The following PRPF6 variants were observed in gnomAD, a reference collection of about 807,000 sequenced individuals.
The protein encoded by PRPF6 is pre-mRNA processing factor 6.
Under a neutral mutation model 118.3 loss-of-function variants are expected in PRPF6, and 42 were observed. That is an observed-to-expected ratio of 0.35 (90% CI 0.28 to 0.46). The LOEUF (loss-of-function observed/expected upper bound fraction) is 0.46, where lower values mean the gene tolerates loss of function less well. PRPF6 is among the 20% of genes least tolerant of loss of function. PRPF6 has a pLI of 1.00. For missense variants in PRPF6, 662 were observed against 1,255.7 expected, an observed-to-expected ratio of 0.53 and a Z score of 7.15; for synonymous variants, 481 against 485.1, an observed-to-expected ratio of 0.99 and a Z score of 0.11.
intron 9 of PRPF6, among the ~76,000 whole-genome samples, chr20:64,007,539 T>C (rs2059196357): frequency 6.7e-6 from 1 of 150,156 alleles, no homozygotes; most frequent in African/African-American, 2.5e-5. Context: ...CAGTTTTGGC[T>C]CACTGCAACC....
At chr20:64,017,415 G>A (rs2059243771) in intron 12 of PRPF6, among the ~76,000 whole-genome samples, 1 of 150,338 alleles carries the variant, frequency 6.7e-6, no homozygotes, top group Non-Finnish European at 1.5e-5. Flanking sequence ...CGCCGCGCCC[G>A]GCCTCCCAGA....
At chr20:64,020,348 G>A (rs550364128) in intron 12 of PRPF6, among the ~76,000 whole-genome samples, 60 of 152,230 alleles carry the variant, frequency 3.9e-4, no homozygotes, top group African/African-American at 1.3e-3. Context: ...CCTGGGAGGT[G>A]GAGGTTTCAG....
Position 64,028,606 on chromosome 20 carries a change from T to C in PRPF6, c.2431+37T>C, listed in dbSNP as rs200273199. On this transcript the variant is annotated intron_variant, in intron 18 of 20. Coordinates refer to ENST00000266079, the MANE Select transcript of PRPF6 (RefSeq NM_012469.4). This position sits in a 1 kb window ranked among gnomAD's most constrained non-coding sequence, Gnocchi z 6.5. ...CCCCGACTCCGGTAAGGGGGTGCCCTGACTCCGGTAAGGGGGTGCCTTGAC... is the reference window on the plus strand; with the variant it reads ...CCCCGACTCCGGTAAGGGGGTGCCCCGACTCCGGTAAGGGGGTGCCTTGAC... 1.8e-4 allele frequency: 295 copies of C among 1,600,978 alleles called. No homozygotes were observed. In the East Asian group the frequency reaches 2.1e-3, roughly 11 times the overall value.
At chr20:63,981,452 A>G in intron 1 of PRPF6, 136 bp downstream of exon 1, 1 of 848,380 alleles carries the variant, frequency 1.2e-6, no homozygotes, top group East Asian at 2.7e-5. Flanking sequence ...CCCTGCAGGA[A>G]GCAACGGGCT....
chr20:64,001,458 C>T (rs546997098), intron 9 of PRPF6, among the ~76,000 whole-genome samples: 1 of 152,190 alleles, frequency 6.6e-6, no homozygotes, highest in Non-Finnish European at 1.5e-5. Flanking sequence ...TTGGGTTGAG[C>T]CCTCACTCCT....
At chr20:64,023,189 G>A (rs1310187555) in intron 13 of PRPF6, among the ~76,000 whole-genome samples, 1 of 152,262 alleles carries the variant, frequency 6.6e-6, no homozygotes, top group Non-Finnish European at 1.5e-5. Context: ...AGCCCGCGTG[G>A]CCCATGGCCG....
At chr20:64,005,028 G>A (rs1483387908) in intron 9 of PRPF6, among the ~76,000 whole-genome samples, 19 of 152,124 alleles carry the variant, frequency 1.2e-4, no homozygotes, top group South Asian at 4.1e-4. Flanking sequence ...GCACGGTCAC[G>A]TCTTCATGGC....
Position 63,993,501 on chromosome 20 carries a change from G to A in PRPF6, c.438+16G>A, listed in dbSNP as rs1012939025. On this transcript the variant is annotated intron_variant, in intron 4 of 20. Transcript: ENST00000266079. ...AGACCTCAAGGTGAGCCGATGAAGC[G>A]GTGAATGGTGTGCGGTTTCTAACGC... 63 of 1,599,854 alleles carry A rather than the reference G, an allele frequency of 3.9e-5. No individual in the cohort carries two copies. The highest frequency in any genetic ancestry group is 4.9e-5 in the Non-Finnish European group (57 of 1,167,826).
chr20:64,003,086 A>AG (rs1043166402), intron 9 of PRPF6, among the ~76,000 whole-genome samples: 1 of 151,930 alleles, frequency 6.6e-6, no homozygotes, highest in African/African-American at 2.4e-5. Flanking sequence ...CTGGGAGTAT[A>AG]GGTCCCACCC....
intron 9 of PRPF6, among the ~76,000 whole-genome samples, chr20:64,003,508 G>A (rs1476415526): frequency 6.6e-6 from 1 of 152,194 alleles, no homozygotes; most frequent in Non-Finnish European, 1.5e-5. Flanking sequence ...CCCCGACCCT[G>A]TGCACTCACA....
rs983860548 is a variant in PRPF6, at chr20:64,028,742, A to C, written c.2431+173A>C. ...TTTATTAAAATGTGTAGTTTGTGTG[A>C]ATCATTTCAGTCAAAAGTTTCAGCT... is the stretch of plus-strand genomic sequence containing the variant. On this transcript the variant is annotated intron_variant, in intron 18 of 20. Transcript: ENST00000266079. This position sits in a 1 kb window ranked among gnomAD's most constrained non-coding sequence, Gnocchi z 6.5. Among the ~76,000 whole-genome samples, 1 of 152,188 alleles carries C rather than the reference A, an allele frequency of 6.6e-6. No homozygotes were observed. Among genetic ancestry groups the C allele is most frequent in the African/African-American group, 2.4e-5 (1 of 41,444 alleles).
chr20:64,010,367 T>A, intron 10 of PRPF6, 49 bp downstream of exon 10: 1 of 1,423,644 alleles, frequency 7.0e-7, no homozygotes, highest in Non-Finnish European at 9.9e-7. Context: ...GGCCAAGGCC[T>A]GAGCCCAGGT....
chr20:64,024,530 G>A (rs1383241100), intron 13 of PRPF6, 25 bp from the exon 14 acceptor site: 1 of 1,613,008 alleles, frequency 6.2e-7, no homozygotes, highest in Non-Finnish European at 8.5e-7. Context: ...CCTGCCTCTG[G>A]TGACCGTGGC....
chr20:64,016,986 A>T, intron 12 of PRPF6, 141 bp downstream of exon 12: 2 of 1,203,404 alleles, frequency 1.7e-6, no homozygotes, highest in Admixed American at 2.1e-5. Context: ...TCTGTCGCCC[A>T]GGCTGGAGTG....
chr20:63,999,722 G>A lies in PRPF6; in HGVS notation c.986G>A (p.Arg329Gln), dbSNP rs2059158063. 1 of 1,614,050 alleles carries A rather than the reference G, an allele frequency of 6.2e-7. No individual in the cohort carries two copies. The highest frequency in any genetic ancestry group is 1.3e-5 in the African/African-American group (1 of 74,934). The change falls in exon 8 of 21, where the codon CGG (arginine) becomes CAG (glutamine). Residue 329 changes from arginine (R) to glutamine (Q), a missense_variant. Around this residue, in one of 10 missense-constraint regions of PRPF6, gnomAD observed 71 missense variants for 166.4 expected, o/e 0.43. Transcript: ENST00000266079. Reference protein sequence around the residue: ...EEVTGKLQVARNLIMKGTEMC... With the variant: ...EEVTGKLQVAQNLIMKGTEMC... Reference sequence around the variant, plus strand: ...GTCACTGGGAAGCTACAAGTAGCTCGGAACCTTATCATGAAGGGGACGGAG... The same window carrying A: ...GTCACTGGGAAGCTACAAGTAGCTCAGAACCTTATCATGAAGGGGACGGAG...
intron 6 of PRPF6, among the ~76,000 whole-genome samples, chr20:63,996,026 T>C (rs981492197): frequency 2.0e-5 from 3 of 152,296 alleles, no homozygotes; most frequent in Admixed American, 2.0e-4. Context: ...TAAATTGTCT[T>C]GTGGCCCTGC....
intron 3 of PRPF6, among the ~76,000 whole-genome samples, chr20:63,991,057 A>G (rs1448820099): frequency 6.6e-6 from 1 of 152,084 alleles, no homozygotes; most frequent in Non-Finnish European, 1.5e-5. Flanking sequence ...AAGTGCTAGG[A>G]TTACAGGCAT....
Position 64,026,790 on chromosome 20 carries a change from ACT to A in PRPF6, c.2029-189_2029-188del, listed in dbSNP as rs2059292864. Among the ~76,000 whole-genome samples, 2 of 147,778 alleles carry A rather than the reference ACT, an allele frequency of 1.4e-5. No homozygotes were observed. The highest frequency in any genetic ancestry group is 4.4e-4 in the South Asian group (2 of 4,576). The stretch of plus-strand genomic sequence containing the variant: ...ACTCCAGCCTGGGTGACAGAGCGAG[ACT>A]CTATCTCAAAAAAAAACAAAACAAA... On this transcript the variant is annotated intron_variant, in intron 15 of 20. Coordinates refer to ENST00000266079, the MANE Select transcript of PRPF6 (RefSeq NM_012469.4). This position sits in a 1 kb window ranked among gnomAD's most constrained non-coding sequence, Gnocchi z 4.4.
intron 11 of PRPF6, among the ~76,000 whole-genome samples, chr20:64,014,988 C>G (rs1601525582): frequency 6.6e-6 from 1 of 152,116 alleles, no homozygotes. Context: ...CAGGGTTCCT[C>G]CATGTTGTAG....
Sources: allele counts gnomAD v4.1 joint callset (sites outside exome capture counted in the v4.1 genomes callset), GRCh38; gene constraint gnomAD v4.1.1; regional missense constraint gnomAD v4.1.1; non-coding constraint Gnocchi (gnomAD v3.1); transcripts MANE v1.5; gene names NCBI Gene and HGNC (gene_info 2026-07-23, HGNC 2026-07-21).